PCDH9: variants seen among roughly 807,000 people sequenced by gnomAD.
The protein encoded by PCDH9 is protocadherin-9.
A neutral mutation model predicts 70.6 loss-of-function variants in PCDH9; 24 were observed. The ratio of observed to expected loss-of-function variants is 0.34; its 90% CI spans 0.25 to 0.48. The LOEUF is 0.48. PCDH9 is among the 20% of genes least tolerant of loss of function. The pLI, the probability that PCDH9 is intolerant of heterozygous loss-of-function variation, is 0.99. For synonymous variants in PCDH9, 562 were observed against 558.5 expected (o/e 1.01, Z -0.09); for missense variants, 1,281 against 1,503.6 (o/e 0.85, Z 2.45).
chr13:66,361,367 A>G (rs1297823583), intron 4 of PCDH9, among the ~76,000 whole-genome samples: 1 of 152,190 alleles, frequency 6.6e-6, no homozygotes, highest in African/African-American at 2.4e-5. Flanking sequence ...TGGGTAAATA[A>G]TTATTCATTC....
rs190061546 is a variant in PCDH9 at position 66,405,001 on chromosome 13, A to C, written c.3341-99973T>G. On this transcript the variant is annotated intron_variant, in intron 4 of 4. Coordinates refer to ENST00000377865, the MANE Select transcript of PCDH9 (RefSeq NM_203487.3). ...TATACAGTAAAATTGTTTTTAAAGA[A>C]ATAAATGATATTTGTTTGCATCACA... is the stretch of plus-strand genomic sequence containing the variant. Among the ~76,000 whole-genome samples the C allele has an allele frequency of 2.1e-3, 314 of 152,308 alleles. 1 individual carries two copies. The highest frequency in any genetic ancestry group is 3.6e-3 in the Non-Finnish European group (247 of 68,008).
chr13:66,813,599 A>G (rs527724552), intron 3 of PCDH9, among the ~76,000 whole-genome samples: 69 of 152,276 alleles, frequency 4.5e-4, no homozygotes, highest in Non-Finnish European at 7.9e-4. Context: ...TTTATTGTAC[A>G]TATAAATAAA....
intron 3 of PCDH9, among the ~76,000 whole-genome samples, chr13:66,828,615 C>G (rs2080865789): frequency 6.6e-6 from 1 of 151,946 alleles, no homozygotes; most frequent in South Asian, 2.1e-4. Context: ...AACAGCAGAA[C>G]AAAGCTAAAC....
intron 2 of PCDH9, among the ~76,000 whole-genome samples, chr13:67,193,332 A>AAC (rs71110637): frequency 0.039 from 5,575 of 141,990 alleles, 106 homozygotes; most frequent in South Asian, 0.063. Context: ...TGGAGATTAA[A>AAC]ACACACACAC....
chr13:66,541,956 G>C (rs568288469), intron 4 of PCDH9, among the ~76,000 whole-genome samples: 2 of 152,054 alleles, frequency 1.3e-5, no homozygotes, highest in Non-Finnish European at 2.9e-5. Context: ...AGTTTTCCTC[G>C]TCTGTAAATT....
intron 4 of PCDH9, among the ~76,000 whole-genome samples, chr13:66,350,541 A>C (rs1223949855): frequency 6.6e-6 from 1 of 152,092 alleles, no homozygotes; most frequent in Non-Finnish European, 1.5e-5. Context: ...AGTCTCATCT[A>C]GTCTCAGATT....
intron 4 of PCDH9, among the ~76,000 whole-genome samples, chr13:66,394,282 T>G (rs1016714061): frequency 3.3e-5 from 5 of 152,208 alleles, no homozygotes; most frequent in African/African-American, 1.2e-4. Context: ...TACCATAGTT[T>G]AAGAAATATC....
intron 4 of PCDH9, among the ~76,000 whole-genome samples, chr13:66,328,014 A>T (rs1321962229): frequency 6.6e-6 from 1 of 152,202 alleles, no homozygotes; most frequent in Non-Finnish European, 1.5e-5. Context: ...TTAAAGATCA[A>T]TGTTGAAAAC....
chr13:66,582,812 G>A (rs1270554758), intron 4 of PCDH9, among the ~76,000 whole-genome samples: 1 of 152,216 alleles, frequency 6.6e-6, no homozygotes, highest in East Asian at 1.9e-4. Context: ...AATGCTGAAG[G>A]TACTATGAAG....
At chr13:67,141,131 T>G (rs2087375513) in intron 2 of PCDH9, among the ~76,000 whole-genome samples, 1 of 152,178 alleles carries the variant, frequency 6.6e-6, no homozygotes, top group South Asian at 2.1e-4. Flanking sequence ...TAGAATGGCT[T>G]TATCATTTTG....
chr13:66,313,448 TG>T (rs1348707800), intron 4 of PCDH9, among the ~76,000 whole-genome samples: 1 of 152,192 alleles, frequency 6.6e-6, no homozygotes, highest in Non-Finnish European at 1.5e-5. Flanking sequence ...CAGACTAAGG[TG>T]TTAAGCAGTG....
chr13:67,116,194 A>G (rs1230052223), intron 2 of PCDH9, among the ~76,000 whole-genome samples: 2 of 152,232 alleles, frequency 1.3e-5, no homozygotes, highest in African/African-American at 4.8e-5. Context: ...AACTAGCTGG[A>G]TATGTTAACA....
intron 4 of PCDH9, among the ~76,000 whole-genome samples, chr13:66,317,759 A>C (rs1401893479): frequency 6.6e-6 from 1 of 151,428 alleles, no homozygotes; most frequent in Non-Finnish European, 1.5e-5. Context: ...GATGATTAGC[A>C]AATTTATTGA....
At chr13:66,475,529 C>T (rs1008895408) in intron 4 of PCDH9, among the ~76,000 whole-genome samples, 8 of 152,062 alleles carry the variant, frequency 5.3e-5, no homozygotes, top group Admixed American at 6.6e-5. Context: ...TTACAGCTTT[C>T]CAATTTTTCA....
chr13:66,481,526 T>C (rs959786630), intron 4 of PCDH9, among the ~76,000 whole-genome samples: 5 of 152,178 alleles, frequency 3.3e-5, no homozygotes, highest in African/African-American at 1.2e-4. Flanking sequence ...TAGACTACAG[T>C]GTAGTGTAAA....
At chr13:66,585,365 A>C (rs1387710818) in intron 4 of PCDH9, among the ~76,000 whole-genome samples, 12 of 151,850 alleles carry the variant, frequency 7.9e-5, no homozygotes, top group Non-Finnish European at 1.6e-4. Flanking sequence ...CATCCCCCCC[A>C]AAAAATCTGA....
chr13:66,797,638 T>C (rs2080264296), intron 3 of PCDH9, among the ~76,000 whole-genome samples: 1 of 152,194 alleles, frequency 6.6e-6, no homozygotes, highest in Non-Finnish European at 1.5e-5. Flanking sequence ...TTAAAATAAC[T>C]CAACGTTAAA....
At chr13:67,079,255 A>T (rs188978157) in intron 2 of PCDH9, among the ~76,000 whole-genome samples, 65 of 152,284 alleles carry the variant, frequency 4.3e-4, no homozygotes, top group Admixed American at 3.1e-3. Context: ...TCAGCACATA[A>T]AAAAGAAAAG....
At chr13:66,763,665 A>C (rs139541047) in intron 3 of PCDH9, among the ~76,000 whole-genome samples, 1 of 152,272 alleles carries the variant, frequency 6.6e-6, no homozygotes, top group East Asian at 1.9e-4. Flanking sequence ...AAAGCTGACT[A>C]CAGAGTAGAA....
Sources: gnomAD v4.1 joint callset for allele counts (sites outside exome capture counted in the v4.1 genomes callset) on GRCh38, gnomAD v4.1.1 for gene constraint, MANE v1.5 for transcripts, NCBI Gene and HGNC (gene_info 2026-07-23, HGNC 2026-07-21) for gene names.